Variants in GRM1 observed in about 807,000 individuals in gnomAD.
The protein encoded by GRM1 is glutamate metabotropic receptor 1, also known as metabotropic glutamate receptor 1.
A neutral mutation model predicts 90.9 loss-of-function variants in GRM1; 33 were observed. That is an observed-to-expected ratio of 0.36 (90% confidence interval 0.28 to 0.49). The LOEUF (loss-of-function observed/expected upper bound fraction) is 0.49, where lower values mean the gene tolerates loss of function less well. Ranked by LOEUF, GRM1 falls within the 20% of genes least tolerant of loss-of-function variation. GRM1 has a pLI of 0.99. For synonymous variants in GRM1, 700 were observed against 613.2 expected (o/e 1.14, Z -2.09); for missense variants, 1,190 against 1,534.3 (o/e 0.78, Z 3.75).
Position 146,414,297 on chromosome 6 carries a change from G to A in GRM1, c.2660+14598G>A, listed in dbSNP as rs115936103. 2.3e-3 allele frequency among the ~76,000 whole-genome samples: 349 copies of A among 151,786 alleles called. 3 individuals carry two copies. The highest frequency in any genetic ancestry group is 8.2e-3 in the African/African-American group (340 of 41,418). On this transcript the variant is annotated intron_variant, in intron 7 of 7. Coordinates refer to ENST00000282753, the MANE Select transcript of GRM1 (RefSeq NM_001278064.2). The stretch of plus-strand genomic sequence containing the variant: ...CTAATGATCTTGAGAGTCTTTTTAT[G>A]TGTTTATTGGCCATCTATATACCAT...
intron 5 of GRM1, among the ~76,000 whole-genome samples, chr6:146,371,462 G>A (rs1434869363): frequency 6.6e-6 from 1 of 152,096 alleles, no homozygotes; most frequent in East Asian, 1.9e-4. Flanking sequence ...TATCCTTTGA[G>A]TTACAAACAA....
At chr6:146,151,866 T>C (rs761225470) in intron 1 of GRM1, among the ~76,000 whole-genome samples, 1 of 152,206 alleles carries the variant, frequency 6.6e-6, no homozygotes. Context: ...GTAAGCTCCA[T>C]GTGTTCTCCT....
intron 1 of GRM1, among the ~76,000 whole-genome samples, chr6:146,134,056 T>C: frequency 6.6e-6 from 1 of 152,246 alleles, no homozygotes; most frequent in East Asian, 1.9e-4. Flanking sequence ...TGACTTGGGC[T>C]TGCCCAGTGT....
chr6:146,399,679 G>T lies in GRM1; in HGVS notation c.2640G>T (p.Lys880Asn), dbSNP rs758693677. 5.6e-6 allele frequency: 9 copies of T among 1,611,672 alleles called. No homozygotes were observed. The highest frequency in any genetic ancestry group is 2.2e-5 in the East Asian group (1 of 44,882). Reference sequence around the variant, plus strand: ...TCCTCAACATCTTCCGAAGAAAGAAGGCAGGGGCAGGGAATGCCAAGTGAG... The same window carrying T: ...TCCTCAACATCTTCCGAAGAAAGAATGCAGGGGCAGGGAATGCCAAGTGAG... ...NTFLNIFRRK[K>N]AGAGNANSNG... Residue 880 changes from lysine (K) to asparagine (N), a missense_variant, in exon 7 of 8, where the codon AAG becomes AAT. Coordinates refer to ENST00000282753, the MANE Select transcript of GRM1 (RefSeq NM_001278064.2). This position sits in a 1 kb window ranked among gnomAD's most constrained non-coding sequence, Gnocchi z 5.4.
chr6:146,218,297 A>C (rs1427493166), intron 2 of GRM1, among the ~76,000 whole-genome samples: 1 of 152,204 alleles, frequency 6.6e-6, no homozygotes. Context: ...TGATTCTTTT[A>C]CATCCCTTTC....
chr6:146,091,159 T>C (rs1045844586), intron 1 of GRM1, among the ~76,000 whole-genome samples: 6 of 152,144 alleles, frequency 3.9e-5, no homozygotes, highest in African/African-American at 1.4e-4. Context: ...CCTGAAGACT[T>C]TGCTGTCTGA....
At chr6:146,415,649 C>A (rs552025187) in intron 7 of GRM1, among the ~76,000 whole-genome samples, 1 of 152,142 alleles carries the variant, frequency 6.6e-6, no homozygotes, top group East Asian at 1.9e-4. Flanking sequence ...CCTTCAACTT[C>A]GTTCTTATTT....
chr6:146,434,063 C>T lies in GRM1; in HGVS notation c.2852C>T (p.Thr951Ile). The T allele has an allele frequency of 6.2e-7, 1 of 1,614,202 alleles. No homozygotes were observed. Among genetic ancestry groups the T allele is most frequent in the South Asian group, 1.1e-5 (1 of 91,084 alleles). ...AGCCTGACCTTTTCAGATACCAGCA[C>T]CAAGACCCTTTACAACGTAGAGGAG... ...GKSLTFSDTS[T>I]KTLYNVEEEE... is the part of the protein sequence containing the mutation. Residue 951 changes from threonine to isoleucine, a missense_variant, in exon 8 of 8, where the codon ACC (threonine) becomes ATC (isoleucine). This residue lies in a region of GRM1 where 400 missense variants were observed against 360.8 expected (regional missense o/e 1.11). Coordinates refer to ENST00000282753, the MANE Select transcript of GRM1 (RefSeq NM_001278064.2).
intron 1 of GRM1, among the ~76,000 whole-genome samples, chr6:146,101,989 G>T (rs1156318837): frequency 6.6e-6 from 1 of 152,004 alleles, no homozygotes; most frequent in Non-Finnish European, 1.5e-5. Flanking sequence ...AGATGAGATG[G>T]CCTTTCCATT....
chr6:146,405,674 C>G (rs919046423), intron 7 of GRM1, among the ~76,000 whole-genome samples: 1 of 151,538 alleles, frequency 6.6e-6, no homozygotes, highest in Non-Finnish European at 1.5e-5. Context: ...ATGATAGAGA[C>G]AGCGAGACAG....
intron 3 of GRM1, among the ~76,000 whole-genome samples, chr6:146,346,652 T>G (rs1785200499): frequency 6.6e-6 from 1 of 152,190 alleles, no homozygotes; most frequent in Non-Finnish European, 1.5e-5. Flanking sequence ...GAGGGCACTT[T>G]ATCCCTTTGA....
intron 3 of GRM1, 31 bp from the exon 4 acceptor site, chr6:146,352,219 C>T: frequency 6.2e-7 from 1 of 1,609,892 alleles, no homozygotes; most frequent in East Asian, 2.2e-5. Context: ...ATCATTGTGA[C>T]CTTGGTAGTG....
Position 146,258,587 on chromosome 6 carries a change from A to G in GRM1, c.951-46024A>G, listed in dbSNP as rs1347193234. ...CAGGCTGTAGTACAGAGGCATGATC[A>G]TAGCTCACTGCAGCCTTGAAATCCT... On this transcript the variant is annotated intron_variant, in intron 2 of 7. Transcript: ENST00000282753. Among the ~76,000 whole-genome samples, 7 of 152,058 alleles carry G rather than the reference A, an allele frequency of 4.6e-5. No individual in the cohort carries two copies. In the South Asian group the frequency reaches 1.0e-3, roughly 23 times the overall value.
chr6:146,217,836 G>T (rs1779927065), intron 2 of GRM1, among the ~76,000 whole-genome samples: 1 of 136,838 alleles, frequency 7.3e-6, no homozygotes, highest in Non-Finnish European at 1.5e-5. Context: ...GCAAGGTGAA[G>T]GCTTCCCAGA....
chr6:146,368,253 T>G (rs1221411721), intron 5 of GRM1, among the ~76,000 whole-genome samples: 1 of 127,386 alleles, frequency 7.9e-6, no homozygotes, highest in Non-Finnish European at 1.6e-5. Flanking sequence ...TTTCTACAGT[T>G]TTTTTTTGGG....
rs181219853 is a variant in GRM1 at position 146,037,327 on chromosome 6, A to G, written c.700+7110A>G. On this transcript the variant is annotated intron_variant, in intron 1 of 7. Coordinates refer to ENST00000282753, the MANE Select transcript of GRM1 (RefSeq NM_001278064.2). Reference sequence around the variant, plus strand: ...TGATTAAGATAAAGGTGTAGCATCTACTATAGACTTTAGGAAACTTTCTTG... The same window carrying G: ...TGATTAAGATAAAGGTGTAGCATCTGCTATAGACTTTAGGAAACTTTCTTG... Among the ~76,000 whole-genome samples, 330 of 152,130 alleles carry G rather than the reference A, an allele frequency of 2.2e-3. 2 individuals are homozygous for G. The highest frequency in any genetic ancestry group is 7.1e-3 in the African/African-American group (297 of 41,550).
chr6:146,259,974 TTA>T (rs942097311), intron 2 of GRM1, among the ~76,000 whole-genome samples: 29 of 145,216 alleles, frequency 2.0e-4, no homozygotes, highest in South Asian at 6.5e-4. Flanking sequence ...ATATATATAT[TTA>T]TATATATATA....
intron 2 of GRM1, among the ~76,000 whole-genome samples, chr6:146,183,523 G>T (rs186640085): frequency 2.6e-5 from 4 of 152,096 alleles, no homozygotes; most frequent in African/African-American, 7.2e-5. Context: ...AAGTAAAAAT[G>T]GTAGTTACTA....
chr6:146,231,949 G>C (rs1780464729), intron 2 of GRM1, among the ~76,000 whole-genome samples: 1 of 152,012 alleles, frequency 6.6e-6, no homozygotes. Flanking sequence ...AGGGAGTGCT[G>C]TCTCCTCCAC....
Sources: gnomAD v4.1 joint callset for allele counts (sites outside exome capture counted in the v4.1 genomes callset) on GRCh38, gnomAD v4.1.1 for gene constraint, gnomAD v4.1.1 regional missense constraint, Gnocchi (gnomAD v3.1) non-coding constraint, MANE v1.5 for transcripts, NCBI Gene and HGNC (gene_info 2026-07-23, HGNC 2026-07-21) for gene names.